The following WASHC2C variants were observed in gnomAD, a reference collection of about 807,000 sequenced individuals.
WASHC2C encodes the protein WASH complex subunit 2C.
A neutral mutation model predicts 142.2 loss-of-function variants in WASHC2C; 73 were observed. The observed-to-expected ratio is 0.51, with a 90% CI of 0.43 to 0.62. The LOEUF is 0.62. Among genes scored for constraint, WASHC2C ranks in the 20% least tolerant of loss-of-function variants. The pLI is 0.00. For synonymous variants in WASHC2C, 337 were observed against 565.5 expected (o/e 0.60, Z 5.73); for missense variants, 969 against 1,531.7 (o/e 0.63, Z 6.13).
At position 45,779,065 on chromosome 10, in the gene WASHC2C, T is replaced by C. The variant is rs1283307373; in HGVS notation, c.2408T>C (p.Leu803Ser). 1.9e-6 allele frequency: 3 copies of C among 1,609,814 alleles called. No homozygotes were observed. The highest frequency in any genetic ancestry group is 2.5e-6 in the Non-Finnish European group (3 of 1,179,170). Residue 803 changes from leucine to serine, a missense_variant, in exon 23 of 31, where the codon TTG (leucine) becomes TCG (serine). Transcript: ENST00000623400. Reference sequence around the variant, plus strand: ...CCTAGAACCAAAACTGTTCTTAGCTTGTTTGATGAGGAAGAGGATAAAATG... The same window carrying C: ...CCTAGAACCAAAACTGTTCTTAGCTCGTTTGATGAGGAAGAGGATAAAATG... Reference protein sequence around the residue: ...TKPRTKTVLSLFDEEEDKMED... With the variant: ...TKPRTKTVLSSFDEEEDKMED...
intron 8 of WASHC2C, among the ~76,000 whole-genome samples, chr10:45,749,851 A>ATTTATATT (rs1554873288): frequency 2.8e-5 from 3 of 108,168 alleles, no homozygotes; most frequent in Non-Finnish European, 5.3e-5. Flanking sequence ...ATATATATAT[A>ATTTATATT]TATATTTATA....
At chr10:45,764,287 TATG>T (rs1294798564) in intron 18 of WASHC2C, among the ~76,000 whole-genome samples, 1 of 149,704 alleles carries the variant, frequency 6.7e-6, no homozygotes, top group African/African-American at 2.5e-5. Flanking sequence ...TTATTTTTTT[TATG>T]ATATTTCTAG....
chr10:45,771,495 T>C (rs547754290), intron 20 of WASHC2C: 2 of 984,734 alleles, frequency 2.0e-6, no homozygotes, highest in East Asian at 2.3e-4. Context: ...TTCTGCACTG[T>C]ATCCAGGTTA....
chr10:45,766,737 C>G (rs1554882570), intron 19 of WASHC2C, among the ~76,000 whole-genome samples: 1 of 149,990 alleles, frequency 6.7e-6, no homozygotes, highest in Non-Finnish European at 1.5e-5. Context: ...GTTGCTAACT[C>G]AATCAGATTT....
chr10:45,741,960 A>G (rs1403493757), intron 5 of WASHC2C, among the ~76,000 whole-genome samples: 1 of 151,696 alleles, frequency 6.6e-6, no homozygotes, highest in Non-Finnish European at 1.5e-5. Flanking sequence ...CACCTGGCTA[A>G]TTTTTGTATT....
At chr10:45,735,761 C>T (rs1178926004) in intron 3 of WASHC2C, among the ~76,000 whole-genome samples, 1 of 152,138 alleles carries the variant, frequency 6.6e-6, no homozygotes, top group African/African-American at 2.4e-5. Context: ...TTAAAAGCAA[C>T]ATTGTTTGAT....
chr10:45,755,151 C>T (rs782043800), intron 15 of WASHC2C, 36 bp downstream of exon 15: 11 of 1,568,260 alleles, frequency 7.0e-6, no homozygotes, highest in Non-Finnish European at 8.6e-6. Context: ...GGACTTCAGC[C>T]AGAAAAAGAA....
At chr10:45,775,679 A>ATTT (rs1554886147) in intron 21 of WASHC2C, among the ~76,000 whole-genome samples, 8 of 137,828 alleles carry the variant, frequency 5.8e-5, no homozygotes, top group African/African-American at 1.9e-4. Flanking sequence ...ATTTGCATTG[A>ATTT]ATTTTTTTTT....
chr10:45,761,681 G>A (rs549522105), intron 17 of WASHC2C, among the ~76,000 whole-genome samples: 47 of 152,258 alleles, frequency 3.1e-4, no homozygotes, highest in African/African-American at 8.4e-4. Flanking sequence ...AAGTCATTTT[G>A]GGGGAACATA....
chr10:45,786,936 A>G lies in WASHC2C; in HGVS notation c.2875-99A>G, dbSNP rs549957836. On this transcript the variant is annotated intron_variant, in intron 27 of 30. Coordinates refer to ENST00000623400, the MANE Select transcript of WASHC2C (RefSeq NM_001330074.2). ...TCCTACGTTTCTCTACTCCTCTCGT[A>G]TTATACATTATGTGTACCGAATCTT... 1.7e-5 allele frequency: 28 copies of G among 1,611,736 alleles called. No individual in the cohort carries two copies. In the Admixed American group the frequency reaches 2.7e-4, roughly 15 times the overall value.
At position 45,784,285 on chromosome 10, in the gene WASHC2C, TATATACAC is replaced by T. The variant is rs1474688170; in HGVS notation, c.2479-274_2479-267del. On this transcript the variant is annotated intron_variant, in intron 23 of 30. Coordinates refer to ENST00000623400, the MANE Select transcript of WASHC2C (RefSeq NM_001330074.2). ...ATATATATATATATATATATATATA[TATATACAC>T]ATATATATATATATATATACACACA... Among the ~76,000 whole-genome samples, 20 of 7,608 alleles carry T rather than the reference TATATACAC, an allele frequency of 2.6e-3. No individual in the cohort carries two copies. In the East Asian group the frequency reaches 0.032, roughly 12 times the overall value. 5.0% of individuals were successfully genotyped at this position (7,608 alleles called of 152,430 possible).
intron 20 of WASHC2C, among the ~76,000 whole-genome samples, chr10:45,771,224 G>A (rs1455533147): frequency 5.9e-5 from 9 of 152,062 alleles, no homozygotes; most frequent in Middle Eastern, 3.4e-3. Context: ...AATGAGCTGG[G>A]CGTCGTGTCA....
At chr10:45,756,914 T>A (rs202132680) in intron 15 of WASHC2C, 98 bp from the exon 16 acceptor site, 28,218 of 898,786 alleles carry the variant, frequency 0.031, 518 homozygotes, top group East Asian at 0.084. Context: ...CATAACTTTT[T>A]ATGTTTATTC....
intron 10 of WASHC2C, among the ~76,000 whole-genome samples, chr10:45,751,086 T>C (rs1197186648): frequency 6.6e-6 from 1 of 152,076 alleles, no homozygotes; most frequent in African/African-American, 2.4e-5. Context: ...ACATATAATT[T>C]CAGGGGATTA....
Position 45,746,654 on chromosome 10 carries a change from C to G in WASHC2C, c.732+7C>G. The G allele has an allele frequency of 1.2e-6, 2 of 1,613,096 alleles. No individual in the cohort carries two copies. The highest frequency in any genetic ancestry group is 1.7e-6 in the Non-Finnish European group (2 of 1,179,342). The stretch of plus-strand genomic sequence containing the variant: ...TGACAATGAACAAAACCAGGTAAGG[C>G]TCATATATTGAAATGACTTTGTTTT... On this transcript the variant is annotated splice_region_variant and intron_variant, in intron 8 of 30. Transcript: ENST00000623400.
chr10:45,733,648 A>G (rs1467665358), intron 3 of WASHC2C, among the ~76,000 whole-genome samples: 1 of 152,236 alleles, frequency 6.6e-6, no homozygotes, highest in African/African-American at 2.4e-5. Context: ...TTTAGGTCCC[A>G]TGGGTTTAGG....
At chr10:45,742,266 A>C (rs1554868436) in intron 5 of WASHC2C, among the ~76,000 whole-genome samples, 2 of 152,258 alleles carry the variant, frequency 1.3e-5, no homozygotes, top group Non-Finnish European at 2.9e-5. Flanking sequence ...GTGTGGAACC[A>C]CTAGGGGGTA....
intron 23 of WASHC2C, among the ~76,000 whole-genome samples, chr10:45,779,541 T>C (rs1373605072): frequency 1.4e-4 from 22 of 152,256 alleles, no homozygotes; most frequent in Non-Finnish European, 2.9e-4. Flanking sequence ...ACTATTTCTA[T>C]AAAGGACCAT....
intron 21 of WASHC2C, among the ~76,000 whole-genome samples, chr10:45,773,864 T>G (rs1407704903): frequency 7.3e-6 from 1 of 136,874 alleles, no homozygotes. Flanking sequence ...AGGGTGGAGC[T>G]TATTGGGATG....
Sources: gnomAD v4.1 joint callset for allele counts (sites outside exome capture counted in the v4.1 genomes callset) on GRCh38, gnomAD v4.1.1 for gene constraint, MANE v1.5 for transcripts, NCBI Gene and HGNC (gene_info 2026-07-23, HGNC 2026-07-21) for gene names.